CENPF: variants seen among roughly 807,000 people sequenced by gnomAD.
The protein encoded by CENPF is AH antigen.
CENPF carries 214 observed loss-of-function variants against 307.3 expected under a neutral mutation model. That is an observed-to-expected ratio of 0.70 (90% CI 0.62 to 0.78). The LOEUF (loss-of-function observed/expected upper bound fraction) is 0.78. Among genes scored for constraint, CENPF ranks in the 30% least tolerant of loss-of-function variants. CENPF has a pLI of 0.00. For missense variants in CENPF, 3,401 were observed against 3,483.9 expected (o/e 0.98, Z 0.60); for synonymous variants, 1,259 against 1,270.6 (o/e 0.99, Z 0.19).
At position 214,646,183 on chromosome 1, in the gene CENPF, C is replaced by T. The variant is rs754191320; in HGVS notation, c.6613C>T (p.Leu2205Phe). 20 of 1,613,280 alleles carry T rather than the reference C, an allele frequency of 1.2e-5. No homozygotes were observed. Among genetic ancestry groups the T allele is most frequent in the Non-Finnish European group, 1.6e-5 (19 of 1,179,884 alleles). The change falls in exon 13 of 20, where the codon CTT becomes TTT. Residue 2205 changes from leucine to phenylalanine, a missense_variant. Leu to Phe is a conservative substitution (Grantham distance 22). Coordinates refer to ENST00000366955, the MANE Select transcript of CENPF (RefSeq NM_016343.4). ...ARSLKVFELD[L>F]VTLRSEKENL... Reference sequence around the variant, plus strand: ...AAGCCTGAAAGTTTTTGAATTAGACCTTGTCACGTTAAGGTCTGAAAAAGA... The same window carrying T: ...AAGCCTGAAAGTTTTTGAATTAGACTTTGTCACGTTAAGGTCTGAAAAAGA...
Position 214,657,264 on chromosome 1 carries a change from G to A in CENPF, c.8817G>A (p.Trp2939Ter). 6.2e-7 allele frequency: 1 copy of A among 1,614,098 alleles called. No individual in the cohort carries two copies. Among genetic ancestry groups the A allele is most frequent in the Non-Finnish European group, 8.5e-7 (1 of 1,180,012 alleles). ...AGAGGCAAAGATCCAGTGGAATATG[G>A]GAGAATGGTAGAGGACCAACACCTG... Reference protein sequence around the residue: ...SGKRQRSSGIWENGRGPTPAT... With the variant: ...SGKRQRSSGI The change falls in exon 18 of 20, where the codon TGG becomes TGA. Residue 2939 changes from tryptophan to a stop codon, truncating the protein, a stop_gained. Coordinates refer to ENST00000366955, the MANE Select transcript of CENPF (RefSeq NM_016343.4). LOFTEE classifies it high-confidence loss of function.
At position 214,620,861 on chromosome 1, in the gene CENPF, A is replaced by C. The variant is rs762008923; in HGVS notation, c.780A>C (p.Gln260His). The change falls in exon 6 of 20, where the codon CAA becomes CAC. Residue 260 changes from glutamine (Q) to histidine (H), a missense_variant. Physicochemically the swap from Gln to His is conservative, Grantham distance 24 (BLOSUM62 0). Coordinates refer to ENST00000366955, the MANE Select transcript of CENPF (RefSeq NM_016343.4). ...QEVTPSRSTLQIGKRDANSSF... is the reference protein window; with the variant it reads ...QEVTPSRSTLHIGKRDANSSF... Reference sequence around the variant, plus strand: ...TGACTCCAAGTCGATCAACTTTGCAAATAGGGAAAAGAGATGCTAATAGCA... The same window carrying C: ...TGACTCCAAGTCGATCAACTTTGCACATAGGGAAAAGAGATGCTAATAGCA... 1 of 1,614,182 alleles carries C rather than the reference A, an allele frequency of 6.2e-7. No homozygotes were observed. The highest frequency in any genetic ancestry group is 1.7e-5 in the Admixed American group (1 of 60,022).
In CENPF at chr1:214,642,697, G is replaced by C; in HGVS notation, c.4359G>C (p.Leu1453=). 6.2e-7 allele frequency: 1 copy of C among 1,614,142 alleles called. No individual in the cohort carries two copies. Among genetic ancestry groups the C allele is most frequent in the Non-Finnish European group, 8.5e-7 (1 of 1,180,028 alleles). ...KAENLVLSTN[L]RNFQGDLVKE... ...AAAATTTGGTCTTGTCAACGAATCTGAGAAACTTTCAAGGTGACTTGGTGA... is the reference window on the plus strand; with the variant it reads ...AAAATTTGGTCTTGTCAACGAATCTCAGAAACTTTCAAGGTGACTTGGTGA... Residue 1453 remains leucine, a synonymous_variant, in exon 12 of 20, where the codon CTG becomes CTC. Transcript: ENST00000366955.
Position 214,641,585 on chromosome 1 carries a change from C to T in CENPF, c.3247C>T (p.Gln1083Ter). The T allele has an allele frequency of 6.5e-7, 1 of 1,540,452 alleles. No individual in the cohort carries two copies. Among genetic ancestry groups the T allele is most frequent in the Non-Finnish European group, 8.7e-7 (1 of 1,149,944 alleles). The change falls in exon 12 of 20, where the codon CAA becomes TAA. Residue 1083 changes from glutamine to a stop codon, truncating the protein, a stop_gained. Transcript: ENST00000366955. LOFTEE classifies it high-confidence loss of function. ...QLKEAFAKEH[Q>*]EFLTKLAFAE... ...AAAGGAAGCATTTGCAAAGGAACAC[C>T]AAGAATTCTTAACAAAATTAGCATT...
intron 1 of CENPF, chr1:214,608,528 G>A: frequency 6.2e-7 from 1 of 1,611,866 alleles, no homozygotes; most frequent in Non-Finnish European, 8.5e-7. Context: ...GTCACGCAGC[G>A]AACATACATG....
Position 214,645,992 on chromosome 1 carries a change from A to G in CENPF, c.6422A>G (p.Lys2141Arg). ...AAGAAGCAGCTGCACATCGCAGAGA[A>G]ACTGAAAGAACGCGAGCGGGAGAAT... ...DEKKQLHIAEKLKERERENDS... is the reference protein window; with the variant it reads ...DEKKQLHIAERLKERERENDS... The change falls in exon 13 of 20, where the codon AAA becomes AGA. Residue 2141 changes from lysine (K) to arginine (R), a missense_variant. Transcript: ENST00000366955. The G allele has an allele frequency of 6.2e-7, 1 of 1,614,134 alleles. No homozygotes were observed.
At chr1:214,624,878 T>C (rs1657610364) in intron 7 of CENPF, among the ~76,000 whole-genome samples, 1 of 152,210 alleles carries the variant, frequency 6.6e-6, no homozygotes, top group African/African-American at 2.4e-5. Flanking sequence ...TGAGAGAGAA[T>C]GTTGGAGTCC....
chr1:214,652,068 A>ATTTTTTTTTT (rs35011701), intron 15 of CENPF, among the ~76,000 whole-genome samples, 182 bp downstream of exon 15: 3 of 127,094 alleles, frequency 2.4e-5, no homozygotes, highest in African/African-American at 9.0e-5. Context: ...TTATCAGTTG[A>ATTTTTTTTTT]TTTTTTTTTT....
At chr1:214,634,343 T>C (rs966882402) in intron 10 of CENPF, among the ~76,000 whole-genome samples, 1 of 152,180 alleles carries the variant, frequency 6.6e-6, no homozygotes, top group Non-Finnish European at 1.5e-5. Context: ...TGCATTGGGA[T>C]TGGGACCAGA....
intron 1 of CENPF, among the ~76,000 whole-genome samples, chr1:214,603,889 C>T (rs1656955158): frequency 6.6e-6 from 1 of 151,890 alleles, no homozygotes; most frequent in Non-Finnish European, 1.5e-5. Flanking sequence ...TCTGGAACCC[C>T]TGGGCTCAAG....
In CENPF at chr1:214,618,580, T is replaced by C; in HGVS notation, c.367T>C (p.Ser123Pro). The change falls in exon 4 of 20, where the codon TCT (serine) becomes CCT (proline). Residue 123 changes from serine to proline, a missense_variant. Coordinates refer to ENST00000366955, the MANE Select transcript of CENPF (RefSeq NM_016343.4). The stretch of plus-strand genomic sequence containing the variant: ...TGGGTCCTTTTCTAACAGGTGTAAA[T>C]CTGAGCTTGAAAGAAGCCAACAAGC... ...KLEQELKRCK[S>P]ELERSQQAAQ... 6.2e-7 allele frequency: 1 copy of C among 1,614,038 alleles called. No homozygotes were observed.
chr1:214,646,388 CA>C lies in CENPF; in HGVS notation c.6819del (p.Ala2274ProfsTer9). The C allele has an allele frequency of 6.2e-7, 1 of 1,614,104 alleles. No individual in the cohort carries two copies. The highest frequency in any genetic ancestry group is 8.5e-7 in the Non-Finnish European group (1 of 1,179,996). Reference sequence around the variant, plus strand: ...TTAAAGGAGCTAAATGAGGCAGTAGCAGCCTTGTGTGGTGACCAAGAAATTA... The same window carrying C: ...TTAAAGGAGCTAAATGAGGCAGTAGCGCCTTGTGTGGTGACCAAGAAATTA... ...NQLKELNEAV[A>X]ALCGDQEIMK... is the part of the protein sequence containing the mutation. On this transcript the variant is annotated frameshift_variant, in exon 13 of 20. Coordinates refer to ENST00000366955, the MANE Select transcript of CENPF (RefSeq NM_016343.4). LOFTEE classifies it high-confidence loss of function.
At chr1:214,647,530 C>T in intron 13 of CENPF, 130 bp downstream of exon 13, 2 of 1,048,024 alleles carry the variant, frequency 1.9e-6, no homozygotes, top group South Asian at 1.9e-5. Context: ...TTTGTAAAGG[C>T]TTTATGTTTA....
Position 214,651,830 on chromosome 1 carries a change from C to T in CENPF, c.8104C>T (p.Arg2702Trp), listed in dbSNP as rs376987914. Reference protein sequence around the residue: ...VREEIAEYQLRLHEAEKKHQA... With the variant: ...VREEIAEYQLWLHEAEKKHQA... ...AGAGGAAATAGCTGAATATCAGCTA[C>T]GGCTTCATGAAGCTGAAAAGAAACA... The change falls in exon 15 of 20, where the codon CGG (arginine) becomes TGG (tryptophan). Residue 2702 changes from arginine (R) to tryptophan (W), a missense_variant. Coordinates refer to ENST00000366955, the MANE Select transcript of CENPF (RefSeq NM_016343.4). 2.4e-5 allele frequency: 38 copies of T among 1,611,902 alleles called. No homozygotes were observed. Among genetic ancestry groups the T allele is most frequent in the African/African-American group, 1.1e-4 (8 of 74,788 alleles).
chr1:214,611,741 A>G (rs377607263), intron 1 of CENPF, among the ~76,000 whole-genome samples: 8 of 152,300 alleles, frequency 5.3e-5, no homozygotes, highest in African/African-American at 1.4e-4. Flanking sequence ...TATTGTGGCA[A>G]TCGTGAATGA....
intron 1 of CENPF, chr1:214,606,056 A>G: frequency 6.3e-7 from 1 of 1,594,374 alleles, no homozygotes; most frequent in African/African-American, 1.3e-5. Flanking sequence ...GTACAGGATG[A>G]TGCTGTCCGG....
intron 15 of CENPF, 130 bp from the exon 16 acceptor site, chr1:214,652,698 C>A (rs1394205478): frequency 1.4e-6 from 1 of 695,618 alleles, no homozygotes; most frequent in Non-Finnish European, 2.2e-6. Flanking sequence ...CCACCTTGGC[C>A]TCCCAAAGTG....
intron 2 of CENPF, among the ~76,000 whole-genome samples, chr1:214,614,427 T>G (rs1433212766): frequency 6.6e-6 from 1 of 152,216 alleles, no homozygotes; most frequent in Admixed American, 6.5e-5. Context: ...ATTACCTCTC[T>G]ATTAGCCAAC....
At chr1:214,621,010 G>C in intron 6 of CENPF, 64 bp downstream of exon 6, 2 of 1,473,542 alleles carry the variant, frequency 1.4e-6, no homozygotes, top group Non-Finnish European at 1.8e-6. Flanking sequence ...GGTGATTTCA[G>C]ATATTTTTAA....
Sources: allele counts gnomAD v4.1 joint callset (sites outside exome capture counted in the v4.1 genomes callset), GRCh38; gene constraint gnomAD v4.1.1; transcripts MANE v1.5; gene names NCBI Gene and HGNC (gene_info 2026-07-23, HGNC 2026-07-21).